Variants in PARP9 observed in about 807,000 individuals in gnomAD.
PARP9 encodes the protein protein mono-ADP-ribosyltransferase PARP9.
PARP9 carries 48 observed loss-of-function variants against 68.8 expected under a neutral mutation model. The observed-to-expected ratio is 0.70, with a 90% CI of 0.55 to 0.89. The LOEUF (loss-of-function observed/expected upper bound fraction) is 0.89. Ranked by LOEUF, PARP9 falls within the 40% of genes least tolerant of loss-of-function variation. The pLI is 0.00. For missense variants in PARP9, 806 were observed against 969.3 expected (o/e 0.83, Z 2.24); for synonymous variants, 309 against 333.8 (o/e 0.93, Z 0.81).
intron 6 of PARP9, among the ~76,000 whole-genome samples, chr3:122,547,049 C>CAT (rs1222579668): frequency 1.5e-5 from 2 of 136,438 alleles, no homozygotes; most frequent in African/African-American, 5.3e-5. Flanking sequence ...TACATACACA[C>CAT]ATATATATAC....
chr3:122,541,482 G>A (rs893243682), intron 7 of PARP9, among the ~76,000 whole-genome samples: 2 of 152,150 alleles, frequency 1.3e-5, no homozygotes, highest in African/African-American at 4.8e-5. Context: ...ATTATTTCCT[G>A]CTGAATAGGA....
In PARP9 at chr3:122,528,685, C is replaced by T; in HGVS notation, c.2139G>A (p.Lys713=). The change falls in exon 11 of 11, where the codon AAG becomes AAA. Residue 713 remains lysine (K), a synonymous_variant. Coordinates refer to ENST00000682323, the MANE Select transcript of PARP9 (RefSeq NM_001146105.2). ...FTKNLKNLAE[K]AKKISAADKL... ...TATCTGCAGCAGAGATTTTCTTGGC[C>T]TTCTCTGCCAGGTTTTTGAGGTTCT... The T allele has an allele frequency of 6.2e-7, 1 of 1,613,934 alleles. No homozygotes were observed.
chr3:122,529,824 A>C (rs1244858425), intron 10 of PARP9, among the ~76,000 whole-genome samples: 2 of 152,086 alleles, frequency 1.3e-5, no homozygotes, highest in Non-Finnish European at 2.9e-5. Flanking sequence ...CAGAACTCTC[A>C]AGAAGATGGT....
rs374867355 is a variant in PARP9 at position 122,528,477 on chromosome 3, A to G, written c.2347T>C (p.Leu783=). 1 of 1,614,184 alleles carries G rather than the reference A, an allele frequency of 6.2e-7. No individual in the cohort carries two copies. The highest frequency in any genetic ancestry group is 1.7e-5 in the Admixed American group (1 of 60,006). Residue 783 remains leucine, a synonymous_variant, in exon 11 of 11, where the codon TTG becomes CTG. Transcript: ENST00000682323. ...FSGMQAIPQY[L]WTCTQEYVQS... The stretch of plus-strand genomic sequence containing the variant: ...ACATATTCCTGGGTGCATGTCCACA[A>G]ATACTGAGGTATAGCCTGCATGCCA...
intron 7 of PARP9, 149 bp downstream of exon 7, chr3:122,545,283 A>C: frequency 1.4e-6 from 1 of 733,372 alleles, no homozygotes; most frequent in Non-Finnish European, 2.3e-6. Context: ...TGATCAGGGT[A>C]GAGAGTAGGC....
intron 1 of PARP9, 80 bp downstream of exon 1, chr3:122,564,165 G>C: frequency 2.1e-6 from 1 of 474,434 alleles, no homozygotes; most frequent in Non-Finnish European, 3.7e-6. Flanking sequence ...CCGGGTCCGC[G>C]CCCGTCCCCC....
intron 10 of PARP9, chr3:122,535,721 A>G (rs1024665464): frequency 5.0e-6 from 5 of 995,900 alleles, no homozygotes; most frequent in Non-Finnish European, 6.0e-6. Context: ...CTAGCAGGCT[A>G]TAGGAAACAA....
chr3:122,561,410 T>C (rs1212810122), intron 1 of PARP9, among the ~76,000 whole-genome samples: 2 of 152,198 alleles, frequency 1.3e-5, no homozygotes, highest in South Asian at 2.1e-4. Flanking sequence ...TGAGCTGTGA[T>C]TGTGCCACTG....
chr3:122,541,279 T>C (rs981461794), intron 7 of PARP9, among the ~76,000 whole-genome samples: 5 of 152,186 alleles, frequency 3.3e-5, no homozygotes, highest in Non-Finnish European at 7.4e-5. Flanking sequence ...CAGTAGCAGC[T>C]TCAATTAAGT....
At chr3:122,528,892 A>T in intron 10 of PARP9, 149 bp from the exon 11 acceptor site, 2 of 786,688 alleles carry the variant, frequency 2.5e-6, no homozygotes, top group Non-Finnish European at 3.9e-6. Flanking sequence ...AAAGACACTC[A>T]AAATTGTTCC....
chr3:122,534,041 T>C, intron 10 of PARP9: 2 of 985,400 alleles, frequency 2.0e-6, no homozygotes, highest in East Asian at 1.1e-4. Context: ...GGTCACATTA[T>C]GAGTCATGTC....
intron 10 of PARP9, 172 bp downstream of exon 10, chr3:122,535,996 A>T: frequency 6.6e-7 from 1 of 1,507,576 alleles, no homozygotes; most frequent in Non-Finnish European, 8.9e-7. Flanking sequence ...AAAGTAAAAA[A>T]TACCACTCTT....
intron 6 of PARP9, among the ~76,000 whole-genome samples, chr3:122,548,966 C>A (rs138734987): frequency 3.3e-5 from 5 of 152,112 alleles, no homozygotes; most frequent in African/African-American, 1.2e-4. Flanking sequence ...TAACAGCTAA[C>A]CTTCTACTCT....
rs374583832 is a variant in PARP9 at position 122,536,897 on chromosome 3, A to T, written c.1905+37T>A. ...GGCTACAGAAACAAGTTAATTAACA[A>T]CAAAATGAGCCAAATCTTCCCCTTT... On this transcript the variant is annotated intron_variant, in intron 9 of 10. Transcript: ENST00000682323. 1.1e-5 allele frequency: 18 copies of T among 1,584,848 alleles called. No individual in the cohort carries two copies. In the African/African-American group the frequency reaches 2.3e-4, roughly 21 times the overall value.
Position 122,559,597 on chromosome 3 carries a change from G to T in PARP9, c.15+9C>A, listed in dbSNP as rs370906641. ...AGGTTCATGACGTATACACATTTAT[G>T]CTTTTTACCATGGAAAAGTCCATCC... On this transcript the variant is annotated intron_variant, in intron 2 of 10. Transcript: ENST00000682323. 110 of 1,590,472 alleles carry T rather than the reference G, an allele frequency of 6.9e-5. No individual in the cohort carries two copies. In the African/African-American group the frequency reaches 1.4e-3, roughly 20 times the overall value.
intron 7 of PARP9, among the ~76,000 whole-genome samples, chr3:122,543,353 C>T (rs2078419204): frequency 6.6e-6 from 1 of 152,060 alleles, no homozygotes; most frequent in African/African-American, 2.4e-5. Flanking sequence ...TCTTGGCTCA[C>T]TGCAATCTCC....
intron 10 of PARP9, 99 bp downstream of exon 10, chr3:122,536,069 C>T: frequency 6.3e-7 from 1 of 1,595,926 alleles, no homozygotes; most frequent in Non-Finnish European, 8.6e-7. Flanking sequence ...ACAAATGATC[C>T]CTTCCCCACA....
intron 7 of PARP9, among the ~76,000 whole-genome samples, chr3:122,541,247 A>G (rs1559827859): frequency 6.6e-6 from 1 of 152,220 alleles, no homozygotes; most frequent in South Asian, 2.1e-4. Flanking sequence ...TTTTACCCCT[A>G]TGATATTGTC....
At chr3:122,558,343 G>C (rs2079884799) in intron 3 of PARP9, 91 bp downstream of exon 3, 1 of 1,614,100 alleles carries the variant, frequency 6.2e-7, no homozygotes, top group Non-Finnish European at 8.5e-7. Flanking sequence ...GCACTTGTAG[G>C]GGAGACATTC....
Sources: allele counts gnomAD v4.1 joint callset (sites outside exome capture counted in the v4.1 genomes callset), GRCh38; gene constraint gnomAD v4.1.1; transcripts MANE v1.5; gene names NCBI Gene and HGNC (gene_info 2026-07-23, HGNC 2026-07-21).